Variants in AKAP9 observed in about 807,000 individuals in gnomAD.
AKAP9 encodes the protein A-kinase anchoring protein 9, also known as A-kinase anchor protein 9.
AKAP9 carries 311 observed loss-of-function variants against 488.5 expected under a neutral mutation model. That is an observed-to-expected ratio of 0.64 (90% CI 0.58 to 0.70). The LOEUF is 0.70. AKAP9 is among the 30% of genes least tolerant of loss of function. The pLI, the probability that AKAP9 is intolerant of heterozygous loss-of-function variation, is 0.00. For missense variants in AKAP9, 4,215 were observed against 4,374.5 expected (o/e 0.96, Z 1.03); for synonymous variants, 1,462 against 1,483.5 (o/e 0.99, Z 0.33).
At chr7:92,080,609 AAAG>A (rs1345679789) in intron 31 of AKAP9, among the ~76,000 whole-genome samples, 42 of 151,396 alleles carry the variant, frequency 2.8e-4, no homozygotes, top group Non-Finnish European at 4.3e-4. Flanking sequence ...CAAAAAAAAA[AAAG>A]AAGAAGAAAA....
Position 92,100,971 on chromosome 7 carries a change from C to T in AKAP9, c.11012C>T (p.Ala3671Val), listed in dbSNP as rs1359148155. The T allele has an allele frequency of 1.3e-5, 21 of 1,614,082 alleles. No homozygotes were observed. The highest frequency in any genetic ancestry group is 1.8e-5 in the Non-Finnish European group (21 of 1,180,012). The change falls in exon 45 of 50, where the codon GCT becomes GTT. Residue 3671 changes from alanine to valine, a missense_variant. Ala to Val is a moderately conservative substitution (Grantham distance 64, BLOSUM62 0). This residue lies in a region of AKAP9 where 74 missense variants were observed against 113.0 expected (regional missense o/e 0.65). Coordinates refer to ENST00000356239, the MANE Select transcript of AKAP9 (RefSeq NM_005751.5). ...CAGAAATCTTTGAAAAGGGCAGAGGCTGAAGTATACAAACTGAAAGCTGAA... is the reference window on the plus strand; with the variant it reads ...CAGAAATCTTTGAAAAGGGCAGAGGTTGAAGTATACAAACTGAAAGCTGAA... ...TLQKSLKRAEAEVYKLKAELR... is the reference protein window; with the variant it reads ...TLQKSLKRAEVEVYKLKAELR...
At chr7:92,098,285 C>G in intron 43 of AKAP9, 71 bp downstream of exon 43, 1 of 891,976 alleles carries the variant, frequency 1.1e-6, no homozygotes, top group Non-Finnish European at 1.8e-6. Flanking sequence ...TAATTTGAAA[C>G]TTGCAGCATA....
chr7:91,992,074 C>A, intron 3 of AKAP9, 84 bp from the exon 4 acceptor site: 1 of 1,120,864 alleles, frequency 8.9e-7, no homozygotes, highest in Non-Finnish European at 1.4e-6. Flanking sequence ...AAGACATACA[C>A]GTGAATACAG....
At chr7:92,012,327 G>A (rs1216913670) in intron 8 of AKAP9, 102 bp from the exon 9 acceptor site, 2 of 1,075,614 alleles carry the variant, frequency 1.9e-6, no homozygotes, top group Non-Finnish European at 2.7e-6. Flanking sequence ...CAGTTCTCAT[G>A]AATTTTTAAA....
intron 28 of AKAP9, among the ~76,000 whole-genome samples, chr7:92,071,731 CT>C (rs1222876505): frequency 1.3e-5 from 2 of 152,094 alleles, no homozygotes; most frequent in Admixed American, 1.3e-4. Flanking sequence ...CTCTAATATT[CT>C]GAGAAGACTT....
rs535248880 is a variant in AKAP9, at chr7:91,945,650, C to A, written c.48+4503C>A. ...TCCTCAGTATTGATGTTGCAAGAAGCATGACCCTGGGAGATGTGAGACATT... is the reference window on the plus strand; with the variant it reads ...TCCTCAGTATTGATGTTGCAAGAAGAATGACCCTGGGAGATGTGAGACATT... On this transcript the variant is annotated intron_variant, in intron 1 of 49. Transcript: ENST00000356239. Among the ~76,000 whole-genome samples the A allele has an allele frequency of 6.6e-5, 10 of 152,330 alleles. No individual in the cohort carries two copies. In the South Asian group the frequency reaches 2.1e-3, roughly 32 times the overall value.
Position 92,108,527 on chromosome 7 carries a change from T to C in AKAP9, c.11580T>C (p.Gly3860=). 1.2e-6 allele frequency: 2 copies of C among 1,614,194 alleles called. No individual in the cohort carries two copies. Among genetic ancestry groups the C allele is most frequent in the South Asian group, 2.2e-5 (2 of 91,090 alleles). The change falls in exon 49 of 50, where the codon GGT becomes GGC. Residue 3860 remains glycine, a synonymous_variant. Transcript: ENST00000356239. ...YPGTPADFNP[G]SLACSQLQNY... ...GCACTCCAGCTGATTTCAATCCTGG[T>C]TCTTTAGCATGTTCTCAGCTTCAGA... is the stretch of plus-strand genomic sequence containing the variant.
rs1294294342 is a variant in AKAP9, at chr7:92,096,339, T to TTG, written c.9730-349_9730-348insGT. On this transcript the variant is annotated intron_variant, in intron 40 of 49. Transcript: ENST00000356239. ...ATACTTCTGAAGTTTTTTTTGTTTT[T>TTG]TTTTTTTTTTTTGAGTCAAAAGTCT... 7.9e-4 allele frequency among the ~76,000 whole-genome samples: 119 copies of TTG among 150,236 alleles called. 1 individual carries two copies. Among genetic ancestry groups the TTG allele is most frequent in the African/African-American group, 2.8e-3 (115 of 40,656 alleles).
chr7:91,961,437 C>T (rs975344394), intron 1 of AKAP9, among the ~76,000 whole-genome samples: 2 of 151,758 alleles, frequency 1.3e-5, no homozygotes, highest in African/African-American at 2.4e-5. Flanking sequence ...CTCAGCCTCC[C>T]GAACTGCAGG....
At chr7:92,059,290 TCTAA>T (rs1047436855) in intron 22 of AKAP9, among the ~76,000 whole-genome samples, 2 of 151,942 alleles carry the variant, frequency 1.3e-5, no homozygotes, top group African/African-American at 4.8e-5. Context: ...ATAAACATAC[TCTAA>T]CTGAATGGAA....
intron 15 of AKAP9, 126 bp from the exon 16 acceptor site, chr7:92,031,386 T>C (rs1206785339): frequency 4.6e-6 from 3 of 649,728 alleles, no homozygotes; most frequent in Non-Finnish European, 8.1e-6. Flanking sequence ...AAATTTATTT[T>C]TTGCTGAAAG....
At chr7:92,095,233 A>G (rs1017211961) in intron 40 of AKAP9, 60 bp downstream of exon 40, 2 of 1,589,714 alleles carry the variant, frequency 1.3e-6, no homozygotes, top group East Asian at 2.2e-5. Flanking sequence ...GAGGGTCTTA[A>G]GGCTTTCCTC....
At chr7:91,981,951 A>G (rs200115561) in intron 3 of AKAP9, among the ~76,000 whole-genome samples, 1 of 151,990 alleles carries the variant, frequency 6.6e-6, no homozygotes, top group African/African-American at 2.4e-5. Context: ...TGGTGCTTAA[A>G]CTGCCTGTAT....
At chr7:92,102,104 C>T (rs1035135234) in intron 45 of AKAP9, among the ~76,000 whole-genome samples, 16 of 150,894 alleles carry the variant, frequency 1.1e-4, no homozygotes, top group African/African-American at 2.7e-4. Flanking sequence ...TGCAGTGAGC[C>T]GAGATCACGC....
At chr7:92,106,923 G>T (rs1389817691) in intron 47 of AKAP9, among the ~76,000 whole-genome samples, 1 of 152,136 alleles carries the variant, frequency 6.6e-6, no homozygotes, top group African/African-American at 2.4e-5. Context: ...GATTGGAATG[G>T]TTACATTGGT....
At position 92,108,632 on chromosome 7, in the gene AKAP9, A is replaced by C; in HGVS notation, c.11685A>C (p.Ser3895=). 1 of 1,614,204 alleles carries C rather than the reference A, an allele frequency of 6.2e-7. No homozygotes were observed. Among genetic ancestry groups the C allele is most frequent in the Non-Finnish European group, 8.5e-7 (1 of 1,180,032 alleles). The part of the protein sequence containing the change: ...ALQRRLGTIQ[S]GSTTQFHAGM... ...AAAGACGACTTGGAACTATACAGTC[A>C]GGTGCTCTGAGTTTAACCACATCTT... Residue 3895 remains serine, a splice_region_variant and synonymous_variant, in exon 49 of 50, where the codon TCA becomes TCC. Coordinates refer to ENST00000356239, the MANE Select transcript of AKAP9 (RefSeq NM_005751.5).
intron 10 of AKAP9, among the ~76,000 whole-genome samples, chr7:92,014,968 TG>T (rs1483588288): frequency 1.3e-5 from 2 of 152,324 alleles, no homozygotes; most frequent in East Asian, 3.9e-4. Flanking sequence ...CCCATCTTTC[TG>T]GGTCCCAGTT....
intron 31 of AKAP9, among the ~76,000 whole-genome samples, chr7:92,081,471 A>ATT (rs1158704452): frequency 2.5e-5 from 2 of 80,178 alleles, no homozygotes; most frequent in African/African-American, 9.8e-5. Flanking sequence ...CACCCGGCTA[A>ATT]TTTATATATA....
chr7:92,001,525 A>T lies in AKAP9; in HGVS notation c.1608A>T (p.Glu536Asp). The T allele has an allele frequency of 1.9e-6, 3 of 1,613,918 alleles. No individual in the cohort carries two copies. Among genetic ancestry groups the T allele is most frequent in the Non-Finnish European group, 2.5e-6 (3 of 1,179,852 alleles). Residue 536 changes from glutamate (E) to aspartate (D), a missense_variant, in exon 8 of 50, where the codon GAA becomes GAT. Coordinates refer to ENST00000356239, the MANE Select transcript of AKAP9 (RefSeq NM_005751.5). ...LQRQLEDLVE[E>D]LSFSREQIQR... ...GACAGCTTGAAGACCTTGTTGAAGAATTGAGCTTTTCAAGGGAACAGATTC... is the reference window on the plus strand; with the variant it reads ...GACAGCTTGAAGACCTTGTTGAAGATTTGAGCTTTTCAAGGGAACAGATTC...
Sources: allele counts gnomAD v4.1 joint callset (sites outside exome capture counted in the v4.1 genomes callset), GRCh38; gene constraint gnomAD v4.1.1; regional missense constraint gnomAD v4.1.1; transcripts MANE v1.5; gene names NCBI Gene and HGNC (gene_info 2026-07-23, HGNC 2026-07-21).